TTLL6: variants seen among roughly 807,000 people sequenced by gnomAD.
TTLL6 encodes tubulin polyglutamylase TTLL6.
A neutral mutation model predicts 96.4 loss-of-function variants in TTLL6; 75 were observed. The observed-to-expected ratio is 0.78, with a 90% confidence interval of 0.65 to 0.94. The LOEUF (loss-of-function observed/expected upper bound fraction) is 0.94, where lower values mean the gene tolerates loss of function less well. TTLL6 is among the 40% of genes least tolerant of loss of function. TTLL6 has a pLI of 0.00. For missense variants in TTLL6, 1,030 were observed against 1,093.0 expected (o/e 0.94, Z 0.81); for synonymous variants, 411 against 419.4 (o/e 0.98, Z 0.24).
At chr17:48,795,770 A>G (rs529893801) in intron 8 of TTLL6, among the ~76,000 whole-genome samples, 9 of 152,306 alleles carry the variant, frequency 5.9e-5, no homozygotes, top group Non-Finnish European at 1.2e-4. Context: ...GCCAACTGTA[A>G]TAAGGGTATG....
At chr17:48,772,944 C>A (rs2038778353) in intron 13 of TTLL6, among the ~76,000 whole-genome samples, 1 of 124,388 alleles carries the variant, frequency 8.0e-6, no homozygotes, top group Non-Finnish European at 1.7e-5. Context: ...GTTGAGCCTG[C>A]AGTAAGCTGT....
In TTLL6 at chr17:48,762,625, A is replaced by G. The variant is rs994462230; in HGVS notation, c.*349T>C. The G allele has an allele frequency of 1.9e-5, 4 of 210,780 alleles. No individual in the cohort carries two copies. Among genetic ancestry groups the G allele is most frequent in the Non-Finnish European group, 2.9e-5 (3 of 103,436 alleles). 13.1% of individuals were successfully genotyped at this position (210,780 alleles called of 1,614,324 possible). ...TGGAAATCATGAGTCCTTCTCTGAA[A>G]CACTACTCCCGAAGTTGCTTTATCT... On this transcript the variant is annotated 3_prime_UTR_variant, in exon 16 of 16. Transcript: ENST00000393382.
intron 13 of TTLL6, among the ~76,000 whole-genome samples, chr17:48,776,131 A>G (rs942441046): frequency 1.3e-5 from 2 of 152,174 alleles, no homozygotes; most frequent in Admixed American, 1.3e-4. Flanking sequence ...TATGATGAAA[A>G]TCCTAAAGAA....
At chr17:48,786,384 G>T (rs772503130) in intron 11 of TTLL6, 49 bp from the exon 12 acceptor site, 1 of 1,608,112 alleles carries the variant, frequency 6.2e-7, no homozygotes. Flanking sequence ...AATGCGCTGC[G>T]CAGGCAGGCA....
intron 5 of TTLL6, 25 bp downstream of exon 5, chr17:48,801,230 G>A: frequency 6.5e-7 from 1 of 1,545,422 alleles, no homozygotes; most frequent in Non-Finnish European, 8.8e-7. Context: ...AGTGGAGAAG[G>A]AAGTACAGGG....
chr17:48,782,146 C>A (rs2143291729), intron 13 of TTLL6, among the ~76,000 whole-genome samples: 1 of 146,334 alleles, frequency 6.8e-6, no homozygotes, highest in South Asian at 2.2e-4. Flanking sequence ...TGCTCTATTG[C>A]CCAGGCTGTG....
chr17:48,779,290 G>A (rs1286297053), intron 13 of TTLL6, among the ~76,000 whole-genome samples: 1 of 140,648 alleles, frequency 7.1e-6, no homozygotes, highest in Non-Finnish European at 1.5e-5. Flanking sequence ...GGAGGCTGAG[G>A]TTGCAGTGAG....
At chr17:48,764,017 C>T (rs1372125752) in intron 15 of TTLL6, among the ~76,000 whole-genome samples, 1 of 151,124 alleles carries the variant, frequency 6.6e-6, no homozygotes, top group East Asian at 2.0e-4. Flanking sequence ...GCACCTGTCA[C>T]CTCAGCTACT....
At chr17:48,764,970 T>C (rs1360462512) in intron 15 of TTLL6, among the ~76,000 whole-genome samples, 1 of 152,212 alleles carries the variant, frequency 6.6e-6, no homozygotes, top group Non-Finnish European at 1.5e-5. Context: ...ATGAAAAGTA[T>C]CATTTAACAG....
chr17:48,817,224 G>A lies in TTLL6; in HGVS notation c.-152C>T. 3.6e-6 allele frequency: 2 copies of A among 548,342 alleles called. No individual in the cohort carries two copies. The highest frequency in any genetic ancestry group is 3.1e-6 in the Non-Finnish European group (1 of 324,076). 34.0% of individuals were successfully genotyped at this position (548,342 alleles called of 1,614,324 possible). ...CCTCCCGAATCCAATTAACCGCCCA[G>A]GCGCTAGGGGAGGGGCGCGCCCACG... On this transcript the variant is annotated 5_prime_UTR_variant, in exon 1 of 16. Coordinates refer to ENST00000393382, the MANE Select transcript of TTLL6 (RefSeq NM_001130918.3).
At chr17:48,803,630 CT>C (rs1408997016) in intron 3 of TTLL6, among the ~76,000 whole-genome samples, 14 of 152,200 alleles carry the variant, frequency 9.2e-5, no homozygotes, top group African/African-American at 3.1e-4. Context: ...ACAGCTGTCT[CT>C]TTTACAAGTA....
intron 1 of TTLL6, among the ~76,000 whole-genome samples, chr17:48,814,714 T>G (rs913307526): frequency 1.3e-5 from 2 of 152,228 alleles, no homozygotes; most frequent in African/African-American, 4.8e-5. Context: ...TCTGAAGGAC[T>G]ATACCTGTTG....
chr17:48,816,783 T>G (rs597106), intron 1 of TTLL6, among the ~76,000 whole-genome samples, 187 bp downstream of exon 1: 2 of 152,030 alleles, frequency 1.3e-5, no homozygotes, highest in African/African-American at 4.8e-5. Flanking sequence ...AAGGGGGGAG[T>G]CCCGGAGCCG....
chr17:48,804,403 A>T (rs2039473066), intron 2 of TTLL6: 1 of 491,284 alleles, frequency 2.0e-6, no homozygotes, highest in Non-Finnish European at 4.0e-6. Context: ...CACAAGCTGC[A>T]GTTGGATCCT....
intron 1 of TTLL6, among the ~76,000 whole-genome samples, chr17:48,806,000 T>C (rs953759853): frequency 1.3e-5 from 2 of 151,846 alleles, no homozygotes; most frequent in Admixed American, 1.3e-4. Context: ...TCCCAGCTAC[T>C]CAGGAGGCTG....
rs181168234 is a variant in TTLL6 at position 48,795,360 on chromosome 17, T to C, written c.998+701A>G. On this transcript the variant is annotated intron_variant, in intron 8 of 15. Coordinates refer to ENST00000393382, the MANE Select transcript of TTLL6 (RefSeq NM_001130918.3). ...AAAAAAAAAGAAAAGAAAAGAAAAA[T>C]TCAGCAATAAAAAATGCACAGAAAG... 3.2e-3 allele frequency among the ~76,000 whole-genome samples: 474 copies of C among 147,424 alleles called. 7 individuals are homozygous for C. Among genetic ancestry groups the C allele is most frequent in the South Asian group, 9.3e-3 (43 of 4,620 alleles).
chr17:48,778,269 T>G (rs2038918062), intron 13 of TTLL6, among the ~76,000 whole-genome samples: 1 of 129,980 alleles, frequency 7.7e-6, no homozygotes, highest in Non-Finnish European at 1.6e-5. Context: ...AGAGCGAGAC[T>G]CCATCTCAAA....
chr17:48,786,047 T>C (rs2039084089), intron 12 of TTLL6, 117 bp downstream of exon 12: 1 of 1,489,542 alleles, frequency 6.7e-7, no homozygotes, highest in Non-Finnish European at 9.1e-7. Flanking sequence ...CCCAGCCCTC[T>C]GCACAGCCTT....
chr17:48,769,051 G>C lies in TTLL6; in HGVS notation c.2614C>G (p.Gln872Glu). Residue 872 changes from glutamine (Q) to glutamate (E), a missense_variant, in exon 15 of 16, where the codon CAG becomes GAG. Transcript: ENST00000393382. ...HASAMRDPCM[Q>E]DQEAYSHCLI... ...CAATGGCTGTATGCTTCTTGATCCT[G>C]CATACATGGGTCCCTCATAGCACTT... 6.2e-7 allele frequency: 1 copy of C among 1,614,176 alleles called. No individual in the cohort carries two copies. Among genetic ancestry groups the C allele is most frequent in the South Asian group, 1.1e-5 (1 of 91,082 alleles).
Sources: gnomAD v4.1 joint callset for allele counts (sites outside exome capture counted in the v4.1 genomes callset) on GRCh38, gnomAD v4.1.1 for gene constraint, MANE v1.5 for transcripts, NCBI Gene and HGNC (gene_info 2026-07-23, HGNC 2026-07-21) for gene names.